The following PDE4DIP variants were observed in gnomAD, a reference collection of about 807,000 sequenced individuals.
The protein encoded by PDE4DIP is myomegalin.
PDE4DIP carries 59 observed loss-of-function variants against 221.4 expected under a neutral mutation model. The ratio of observed to expected loss-of-function variants is 0.27; its 90% CI spans 0.22 to 0.33. PDE4DIP has a LOEUF of 0.33. Among genes scored for constraint, PDE4DIP ranks in the 10% least tolerant of loss-of-function variants. PDE4DIP has a pLI of 1.00. For synonymous variants in PDE4DIP, 404 were observed against 815.9 expected (o/e 0.50, Z 8.60); for missense variants, 1,036 against 2,154.2 (o/e 0.48, Z 10.28).
chr1:149,007,165 T>C (rs782636255), intron 27 of PDE4DIP, 36 bp from the exon 31 acceptor site: 6 of 586,922 alleles, frequency 1.0e-5, no homozygotes, highest in African/African-American at 4.0e-5. Context: ...TTCCACTCTT[T>C]CCATACTTAC....
At chr1:148,962,567 A>C (rs1553513122) in exon 9 of PDE4DIP, 8 of 625,928 alleles carry the variant, frequency 1.3e-5, no homozygotes, top group Non-Finnish European at 1.7e-5. Flanking sequence ...GATGCCAAAC[A>C]ATGTGTGCAA....
At chr1:148,877,208 C>T (rs1434381008) in intron 3 of PDE4DIP, among the ~76,000 whole-genome samples, 9 of 150,016 alleles carry the variant, frequency 6.0e-5, no homozygotes, top group South Asian at 2.1e-4. Flanking sequence ...AACAAAACAA[C>T]GGCAACAGCA....
At chr1:148,952,178 G>C (rs1383706112) in intron 5 of PDE4DIP, 60 of 1,036,856 alleles carry the variant, frequency 5.8e-5, no homozygotes, top group Non-Finnish European at 6.4e-5. Flanking sequence ...AGATGAAAGC[G>C]GCTGGCTGTG....
intron 23 of PDE4DIP, among the ~76,000 whole-genome samples, chr1:148,999,446 A>G (rs1326434985): frequency 1.3e-5 from 2 of 152,220 alleles, no homozygotes; most frequent in East Asian, 1.9e-4. Context: ...GAGGAAACTC[A>G]GGCCTAGAAA....
chr1:148,937,627 T>C (rs2049507766), intron 4 of PDE4DIP, 120 bp from the exon 8 acceptor site: 1 of 604,464 alleles, frequency 1.7e-6, no homozygotes, highest in Non-Finnish European at 3.0e-6. Context: ...AAAGGTTCAA[T>C]GATCCAAAAG....
At chr1:149,002,226 A>AT (rs1271546102) in intron 24 of PDE4DIP, among the ~76,000 whole-genome samples, 200 bp downstream of exon 27, 56 of 132,062 alleles carry the variant, frequency 4.2e-4, no homozygotes, top group African/African-American at 1.6e-3. Flanking sequence ...TGAGTACTTA[A>AT]TTTTTCAGAT....
intron 3 of PDE4DIP, among the ~76,000 whole-genome samples, chr1:148,879,597 GTTGGGA>G (rs1359286897): frequency 6.7e-6 from 1 of 150,314 alleles, no homozygotes; most frequent in Non-Finnish European, 1.5e-5. Flanking sequence ...CTCTCAAAGT[GTTGGGA>G]TTGGCATCTC....
chr1:148,973,616 A>G (rs2059622397), intron 16 of PDE4DIP, among the ~76,000 whole-genome samples: 1 of 151,574 alleles, frequency 6.6e-6, no homozygotes, highest in African/African-American at 2.4e-5. Context: ...GCATCAATAT[A>G]TTTCAAAATA....
At chr1:148,949,182 C>T (rs181265422) in intron 5 of PDE4DIP, among the ~76,000 whole-genome samples, 1 of 151,262 alleles carries the variant, frequency 6.6e-6, no homozygotes, top group East Asian at 1.9e-4. Context: ...TATTTAAGTA[C>T]AAAAGCAGTA....
intron 38 of PDE4DIP, among the ~76,000 whole-genome samples, chr1:149,025,481 G>A (rs2074886669): frequency 1.3e-5 from 2 of 152,128 alleles, no homozygotes; most frequent in Non-Finnish European, 2.9e-5. Context: ...TTTCAGATAG[G>A]CGTGTTTGAC....
At chr1:149,022,498 C>A (rs1334801817) in intron 37 of PDE4DIP, among the ~76,000 whole-genome samples, 4 of 152,340 alleles carry the variant, frequency 2.6e-5, no homozygotes, top group African/African-American at 9.6e-5. Flanking sequence ...TATCATAAAT[C>A]CTGATTTAGT....
intron 4 of PDE4DIP, among the ~76,000 whole-genome samples, chr1:148,934,342 A>G (rs2048723529): frequency 6.6e-6 from 1 of 152,016 alleles, no homozygotes; most frequent in Admixed American, 6.6e-5. Flanking sequence ...CTAAAAACCA[A>G]AACAAAACCC....
At chr1:148,964,480 G>T (rs1251414935) in intron 9 of PDE4DIP, among the ~76,000 whole-genome samples, 3 of 150,914 alleles carry the variant, frequency 2.0e-5, no homozygotes, top group African/African-American at 7.3e-5. Flanking sequence ...AGATTTAAAA[G>T]ATTTTTTTGT....
chr1:148,983,911 C>T (rs1553546408), intron 21 of PDE4DIP: 1 of 151,910 alleles, frequency 6.6e-6, no homozygotes, highest in Non-Finnish European at 1.5e-5. Context: ...TCTCATGCTT[C>T]CCTTTTGAAT....
At chr1:149,032,050 G>T (rs782318820) in exon 44 of PDE4DIP, 20 of 1,610,892 alleles carry the variant, frequency 1.2e-5, no homozygotes, top group East Asian at 2.2e-5. Flanking sequence ...AGCAGGAAAG[G>T]TGGGCCTGTC....
At chr1:148,963,756 T>G (rs1301089908) in intron 9 of PDE4DIP, among the ~76,000 whole-genome samples, 1 of 126,978 alleles carries the variant, frequency 7.9e-6, no homozygotes, top group Non-Finnish European at 1.7e-5. Flanking sequence ...TTCTTTTTTT[T>G]TTTTTTTTTT....
At chr1:148,933,758 A>G (rs1172904621) in intron 4 of PDE4DIP, among the ~76,000 whole-genome samples, 2 of 152,180 alleles carry the variant, frequency 1.3e-5, no homozygotes, top group African/African-American at 4.8e-5. Flanking sequence ...TTAGGAGATA[A>G]GATCCATACT....
At position 149,030,462 on chromosome 1, in the gene PDE4DIP, A is replaced by T. The variant is rs1249785276; in HGVS notation, c.6999+184A>T. On this transcript the variant is annotated intron_variant, in intron 43 of 43. Coordinates refer to ENST00000369354, the Ensembl canonical transcript of PDE4DIP. ...TAGTTTCTGTCCCCATCACCCTCCC[A>T]CCCCGTCAGCTCCTGCCCCTGTATC... The T allele has an allele frequency of 5.0e-5, 49 of 977,800 alleles. No homozygotes were observed. The African/African-American group carries it at 8.3e-4, about 17-fold the overall frequency. The allele number at this position is 977,800 out of a possible 1,614,324, so 60.6% of individuals were successfully genotyped here.
At chr1:149,011,012 G>A (rs1553604954) in intron 31 of PDE4DIP, among the ~76,000 whole-genome samples, 3 of 148,946 alleles carry the variant, frequency 2.0e-5, no homozygotes, top group African/African-American at 7.5e-5. Flanking sequence ...AGTGCTACTT[G>A]TAGCCAAGGA....
Sources: allele counts gnomAD v4.1 joint callset (sites outside exome capture counted in the v4.1 genomes callset), GRCh38; gene constraint gnomAD v4.1.1; transcripts MANE v1.5; gene names NCBI Gene and HGNC (gene_info 2026-07-23, HGNC 2026-07-21).